Variants in MARS1 observed in about 807,000 individuals in gnomAD.
The protein encoded by MARS1 is methionine--tRNA ligase, cytoplasmic.
MARS1 carries 80 observed loss-of-function variants against 119.5 expected under a neutral mutation model. The ratio of observed to expected loss-of-function variants is 0.67; its 90% CI spans 0.56 to 0.81. MARS1 has a LOEUF of 0.81. Among genes scored for constraint, MARS1 ranks in the 30% least tolerant of loss-of-function variants. The pLI is 0.00. For missense variants in MARS1, 945 were observed against 1,116.5 expected, an observed-to-expected ratio of 0.85 and a Z score of 2.19; for synonymous variants, 418 against 433.4, an observed-to-expected ratio of 0.96 and a Z score of 0.44.
At chr12:57,492,669 T>TCTCACACACACACACA (rs1217908969) in intron 7 of MARS1, among the ~76,000 whole-genome samples, 2 of 139,446 alleles carry the variant, frequency 1.4e-5, no homozygotes, top group African/African-American at 5.3e-5. Context: ...CGACTCCATT[T>TCTCACACACACACACA]CACACACACA....
At chr12:57,501,898 G>A (rs542483004) in intron 10 of MARS1, among the ~76,000 whole-genome samples, 87 of 152,016 alleles carry the variant, frequency 5.7e-4, no homozygotes, top group African/African-American at 2.0e-3. Flanking sequence ...GGGAGGCTGA[G>A]GCAGAAGAAT....
chr12:57,514,547 AAG>A (rs1408726337), intron 15 of MARS1, among the ~76,000 whole-genome samples, 171 bp from the exon 16 acceptor site: 1 of 152,182 alleles, frequency 6.6e-6, no homozygotes, highest in African/African-American at 2.4e-5. Flanking sequence ...AGGGGAGAGA[AAG>A]AGTAAATAAT....
Position 57,512,735 on chromosome 12 carries a change from A to T in MARS1, c.1754-16A>T, listed in dbSNP as rs1221129618. 2 of 1,598,194 alleles carry T rather than the reference A, an allele frequency of 1.3e-6. No homozygotes were observed. The highest frequency in any genetic ancestry group is 1.7e-6 in the Non-Finnish European group (2 of 1,165,754). On this transcript the variant is annotated splice_polypyrimidine_tract_variant and intron_variant, in intron 14 of 20. Coordinates refer to ENST00000262027, the MANE Select transcript of MARS1 (RefSeq NM_004990.4). Reference sequence around the variant, plus strand: ...TGATGTGAGCAGATGGTTCTCACTCATTCTCCTCTGTCCAGAGTACCTGAA... The same window carrying T: ...TGATGTGAGCAGATGGTTCTCACTCTTTCTCCTCTGTCCAGAGTACCTGAA...
intron 9 of MARS1, among the ~76,000 whole-genome samples, chr12:57,499,704 GC>G (rs1223747933): frequency 1.3e-5 from 2 of 151,902 alleles, no homozygotes; most frequent in Non-Finnish European, 2.9e-5. Flanking sequence ...TTCAAGACCA[GC>G]TTGGCCAACA....
In MARS1 at chr12:57,515,252, CCAGCTG is replaced by C; in HGVS notation, c.2313_2318del (p.Gln772_Leu773del). 6.2e-7 allele frequency: 1 copy of C among 1,614,090 alleles called. No individual in the cohort carries two copies. Among genetic ancestry groups the C allele is most frequent in the East Asian group, 2.2e-5 (1 of 44,878 alleles). On this transcript the variant is annotated inframe_deletion, in exon 18 of 21. Coordinates refer to ENST00000262027, the MANE Select transcript of MARS1 (RefSeq NM_004990.4). The stretch of plus-strand genomic sequence containing the variant: ...CCACGGTTAGTGCCACAATCCAGGC[CCAGCTG>C]CAGCTCCCACCTCCAGCCTGCAGTA...
At chr12:57,507,810 A>C (rs1594828497) in intron 11 of MARS1, among the ~76,000 whole-genome samples, 1 of 128,454 alleles carries the variant, frequency 7.8e-6, no homozygotes. Flanking sequence ...GCTGACCCCC[A>C]CCTCCCTCCC....
At chr12:57,495,095 C>T (rs1876526050) in intron 7 of MARS1, among the ~76,000 whole-genome samples, 1 of 150,538 alleles carries the variant, frequency 6.6e-6, no homozygotes, top group African/African-American at 2.4e-5. Context: ...GGCAGAGGTG[C>T]CCCCCCACCT....
Position 57,489,661 on chromosome 12 carries a change from G to A in MARS1, c.414+103G>A, listed in dbSNP as rs1476205543. ...TCGAACCCAACACTGCCACTTACTA[G>A]TAGTGTAATCTTGGCAAATCACTTA... On this transcript the variant is annotated intron_variant, in intron 4 of 20. Transcript: ENST00000262027. 4.7e-6 allele frequency: 7 copies of A among 1,492,486 alleles called. No individual in the cohort carries two copies. In the South Asian group the frequency reaches 4.8e-5, roughly 10 times the overall value. 92.5% of individuals were successfully genotyped at this position (1,492,486 alleles called of 1,614,324 possible). A position where few individuals can be genotyped will look rare whatever the true frequency, so the allele number is the denominator to read the frequency against.
chr12:57,514,829 C>CA lies in MARS1; in HGVS notation c.2078dup (p.His693GlnfsTer5). On this transcript the variant is annotated frameshift_variant, in exon 16 of 21. Transcript: ENST00000262027. LOFTEE classifies it high-confidence loss of function. Reference sequence around the variant, plus strand: ...TGTCACCCTGGAGCTCCAGCACTATCACCAGCTACTTGAGAAGGTTCGGTA... The same window carrying CA: ...TGTCACCCTGGAGCTCCAGCACTATCAACCAGCTACTTGAGAAGGTTCGGTA... 5 of 1,614,104 alleles carry CA rather than the reference C, an allele frequency of 3.1e-6. No homozygotes were observed. The highest frequency in any genetic ancestry group is 4.2e-6 in the Non-Finnish European group (5 of 1,179,930).
intron 15 of MARS1, among the ~76,000 whole-genome samples, chr12:57,513,759 C>T (rs1020800157): frequency 6.6e-6 from 1 of 152,020 alleles, no homozygotes; most frequent in Non-Finnish European, 1.5e-5. Context: ...ATTCTTTAGT[C>T]ACACTCTCTG....
intron 11 of MARS1, among the ~76,000 whole-genome samples, chr12:57,507,908 G>T (rs1156454483): frequency 2.0e-5 from 3 of 151,512 alleles, no homozygotes; most frequent in East Asian, 2.0e-4. Flanking sequence ...CTCAGACGGG[G>T]CGGCTGCCGG....
chr12:57,494,081 G>C (rs1876447869), intron 7 of MARS1, among the ~76,000 whole-genome samples: 2 of 145,096 alleles, frequency 1.4e-5, no homozygotes, highest in African/African-American at 2.6e-5. Flanking sequence ...TCAGTCTCCC[G>C]AGTAGCTGGG....
chr12:57,512,382 G>T, intron 14 of MARS1, 29 bp downstream of exon 14: 1 of 1,496,236 alleles, frequency 6.7e-7, no homozygotes, highest in African/African-American at 1.4e-5. Context: ...TACTGATGGG[G>T]TGTTCATAGG....
At chr12:57,493,766 TTATATATAATATATATTA>T (rs1876336736) in intron 7 of MARS1, among the ~76,000 whole-genome samples, 1 of 1,102 alleles carries the variant, frequency 9.1e-4, no homozygotes, top group Non-Finnish European at 2.1e-3. Flanking sequence ...ATTATATATA[TTATATATAATATATATTA>T]TATATTATAT....
At chr12:57,499,692 A>AGTTC (rs1489232978) in intron 9 of MARS1, among the ~76,000 whole-genome samples, 1 of 151,924 alleles carries the variant, frequency 6.6e-6, no homozygotes, top group Non-Finnish European at 1.5e-5. Flanking sequence ...CGAGGTCAGG[A>AGTTC]GTTCAAGACC....
Position 57,512,762 on chromosome 12 carries a change from T to C in MARS1, c.1765T>C (p.Tyr589His), listed in dbSNP as rs1488192628. Residue 589 changes from tyrosine (Y) to histidine (H), a missense_variant, in exon 15 of 21, where the codon TAT becomes CAT. Physicochemically the swap from Tyr to His is moderately conservative, Grantham distance 83. Transcript: ENST00000262027. Reference sequence around the variant, plus strand: ...TCTCCTCTGTCCAGAGTACCTGAACTATGAGGATGGGAAATTCTCTAAGAG... The same window carrying C: ...TCTCCTCTGTCCAGAGTACCTGAACCATGAGGATGGGAAATTCTCTAAGAG... ...SHLIATEYLN[Y>H]EDGKFSKSRG... is the part of the protein sequence containing the mutation. 6.2e-7 allele frequency: 1 copy of C among 1,613,996 alleles called. No individual in the cohort carries two copies. Among genetic ancestry groups the C allele is most frequent in the Non-Finnish European group, 8.5e-7 (1 of 1,179,880 alleles).
intron 4 of MARS1, 134 bp downstream of exon 4, chr12:57,489,692 TC>T: frequency 1.5e-6 from 2 of 1,310,920 alleles, no homozygotes; most frequent in Non-Finnish European, 2.1e-6. Context: ...ACTTAATCTC[TC>T]TAATCCTCAA....
chr12:57,509,923 CA>C (rs1204012317), intron 11 of MARS1, among the ~76,000 whole-genome samples: 2 of 151,888 alleles, frequency 1.3e-5, no homozygotes, highest in Non-Finnish European at 2.9e-5. Flanking sequence ...GGTACGTCTA[CA>C]AAAAAAATAA....
intron 11 of MARS1, among the ~76,000 whole-genome samples, chr12:57,511,292 A>C (rs1024755693): frequency 1.3e-5 from 2 of 152,042 alleles, no homozygotes; most frequent in African/African-American, 4.8e-5. Flanking sequence ...TGTGTTAAAA[A>C]TCTAGTTAAG....
Sources: allele counts gnomAD v4.1 joint callset (sites outside exome capture counted in the v4.1 genomes callset), GRCh38; gene constraint gnomAD v4.1.1; transcripts MANE v1.5; gene names NCBI Gene and HGNC (gene_info 2026-07-23, HGNC 2026-07-21).